The following TYW1 variants were observed in gnomAD, a reference collection of about 807,000 sequenced individuals.
TYW1 encodes the protein S-adenosyl-L-methionine-dependent tRNA 4-demethylwyosine synthase TYW1.
Under a neutral mutation model 96.2 loss-of-function variants are expected in TYW1, and 46 were observed. That is an observed-to-expected ratio of 0.48 (90% CI 0.38 to 0.61). TYW1 has a LOEUF of 0.61. Among genes scored for constraint, TYW1 ranks in the 20% least tolerant of loss-of-function variants. The pLI is 0.00. For missense variants in TYW1, 684 were observed against 909.6 expected, an observed-to-expected ratio of 0.75 and a Z score of 3.19; for synonymous variants, 274 against 323.0, an observed-to-expected ratio of 0.85 and a Z score of 1.63.
Position 67,105,686 on chromosome 7 carries a change from G to A in TYW1, c.1562+6968G>A, listed in dbSNP as rs118114747. ...CTGCCACTTGTCAGAGGTATTGCAC[G>A]GTTGATTTTCTTATAGCAGAGAAAT... On this transcript the variant is annotated intron_variant, in intron 12 of 15. Coordinates refer to ENST00000359626, the MANE Select transcript of TYW1 (RefSeq NM_018264.4). Among the ~76,000 whole-genome samples the A allele has an allele frequency of 1.1e-3, 172 of 152,172 alleles. 3 individuals are homozygous for A. The East Asian group carries it at 0.03, about 26-fold the overall frequency.
chr7:67,190,918 A>G (rs948688737), intron 14 of TYW1, among the ~76,000 whole-genome samples: 4 of 152,212 alleles, frequency 2.6e-5, no homozygotes, highest in African/African-American at 9.6e-5. Context: ...CTTCCCACAG[A>G]CCATGAATCC....
chr7:67,127,990 C>G (rs1797955996), intron 13 of TYW1, among the ~76,000 whole-genome samples: 1 of 151,900 alleles, frequency 6.6e-6, no homozygotes. Context: ...ATTTGATTTT[C>G]TGTGGTTTGA....
intron 12 of TYW1, among the ~76,000 whole-genome samples, chr7:67,112,100 C>CAAAAAAAAAAAAAAAAAAAAAAAAAAAAA (rs538839042): frequency 5.3e-5 from 5 of 94,886 alleles, no homozygotes; most frequent in Admixed American, 1.4e-4. Flanking sequence ...CTCTGTCTGA[C>CAAAAAAAAAAAAAAAAAAAAAAAAAAAAA]AAAAAAAAAA....
chr7:67,092,317 G>A (rs935146261), intron 11 of TYW1, among the ~76,000 whole-genome samples: 2 of 151,866 alleles, frequency 1.3e-5, no homozygotes, highest in African/African-American at 2.4e-5. Context: ...TCTGTCGGCA[G>A]ATTATCCTCT....
intron 13 of TYW1, among the ~76,000 whole-genome samples, chr7:67,136,646 AGTGCGTGTGT>A (rs1563033186): frequency 2.9e-4 from 29 of 101,404 alleles, no homozygotes; most frequent in African/African-American, 1.4e-3. Flanking sequence ...GTGTTTATAC[AGTGCGTGTGT>A]GTGTGTGTGT....
At chr7:67,038,372 G>T (rs1379905372) in intron 7 of TYW1, among the ~76,000 whole-genome samples, 2 of 152,070 alleles carry the variant, frequency 1.3e-5, no homozygotes, top group African/African-American at 4.8e-5. Flanking sequence ...TTGGGAGGCT[G>T]AGGTGGGTGG....
At chr7:67,143,338 T>C (rs909686659) in intron 13 of TYW1, among the ~76,000 whole-genome samples, 10 of 152,168 alleles carry the variant, frequency 6.6e-5, no homozygotes, top group Non-Finnish European at 1.5e-5. Flanking sequence ...GATGCTGACA[T>C]TGACATCAGA....
chr7:66,997,972 T>A, intron 1 of TYW1, 93 bp from the exon 2 acceptor site: 1 of 1,441,942 alleles, frequency 6.9e-7, no homozygotes. Flanking sequence ...GGTTGTTGAA[T>A]GTAAGGTTGG....
intron 8 of TYW1, among the ~76,000 whole-genome samples, chr7:67,055,106 C>T (rs1402753117): frequency 5.3e-5 from 8 of 151,992 alleles, no homozygotes; most frequent in Non-Finnish European, 7.4e-5. Context: ...CCCAGCATAC[C>T]GTTCATTTTT....
chr7:67,154,512 A>T (rs1798904659), intron 13 of TYW1, among the ~76,000 whole-genome samples: 1 of 150,756 alleles, frequency 6.6e-6, no homozygotes, highest in South Asian at 2.1e-4. Flanking sequence ...TGATTGTATC[A>T]TCCCATTCTC....
At chr7:67,144,667 C>T (rs1234457592) in intron 13 of TYW1, among the ~76,000 whole-genome samples, 2 of 152,076 alleles carry the variant, frequency 1.3e-5, no homozygotes, top group African/African-American at 2.4e-5. Flanking sequence ...GACAGGGTTT[C>T]GCCGTGTTGC....
chr7:67,015,028 A>G (rs1793969764), intron 5 of TYW1, among the ~76,000 whole-genome samples: 1 of 144,226 alleles, frequency 6.9e-6, no homozygotes, highest in Non-Finnish European at 1.5e-5. Context: ...TTGGAAACAG[A>G]GTCTTGCTCT....
At chr7:67,139,342 A>G (rs1277833081) in intron 13 of TYW1, among the ~76,000 whole-genome samples, 3 of 152,230 alleles carry the variant, frequency 2.0e-5, no homozygotes, top group Non-Finnish European at 4.4e-5. Flanking sequence ...ATGAGCCACC[A>G]TGCCCGGCCT....
intron 13 of TYW1, among the ~76,000 whole-genome samples, chr7:67,127,143 A>T (rs117456949): frequency 0.022 from 3,372 of 150,298 alleles, 78 homozygotes; most frequent in Non-Finnish European, 0.027. Context: ...CAAGTATTTT[A>T]TGATAATAAA....
At chr7:67,019,340 C>T (rs1350616545) in intron 6 of TYW1, among the ~76,000 whole-genome samples, 2 of 152,214 alleles carry the variant, frequency 1.3e-5, no homozygotes, top group Admixed American at 1.3e-4. Context: ...GGATTACAGG[C>T]ACGTACCACT....
chr7:67,012,959 G>A (rs929181036), intron 4 of TYW1, among the ~76,000 whole-genome samples: 1 of 151,672 alleles, frequency 6.6e-6, no homozygotes, highest in African/African-American at 2.4e-5. Context: ...AAACATTTTG[G>A]ATAACGGATA....
chr7:67,132,025 T>G (rs780931744), intron 13 of TYW1, among the ~76,000 whole-genome samples: 5 of 152,146 alleles, frequency 3.3e-5, no homozygotes, highest in East Asian at 1.9e-4. Flanking sequence ...CCCAGTCCAC[T>G]GACTCAAATG....
chr7:67,124,433 G>C (rs1318707566), intron 13 of TYW1, among the ~76,000 whole-genome samples: 1 of 151,850 alleles, frequency 6.6e-6, no homozygotes, highest in Admixed American at 6.6e-5. Flanking sequence ...GGTCTTGTTT[G>C]TTGCCCAGGC....
In TYW1 at chr7:67,185,403, T is replaced by G. The variant is rs1044104135; in HGVS notation, c.1809+2167T>G. On this transcript the variant is annotated intron_variant, in intron 14 of 15. Transcript: ENST00000359626. ...TGGTTAGTCCAAGCAAGAGATGGTTTGGGGAAGGTCAGTGGGACTAGGGCC... is the reference window on the plus strand; with the variant it reads ...TGGTTAGTCCAAGCAAGAGATGGTTGGGGGAAGGTCAGTGGGACTAGGGCC... Among the ~76,000 whole-genome samples the G allele has an allele frequency of 2.6e-5, 4 of 151,586 alleles. No individual in the cohort carries two copies. In the East Asian group the frequency reaches 7.8e-4, roughly 29 times the overall value.
Sources: gnomAD v4.1 joint callset for allele counts (sites outside exome capture counted in the v4.1 genomes callset) on GRCh38, gnomAD v4.1.1 for gene constraint, MANE v1.5 for transcripts, NCBI Gene and HGNC (gene_info 2026-07-23, HGNC 2026-07-21) for gene names.